The following RP1L1 variants were observed in gnomAD, a reference collection of about 807,000 sequenced individuals.
RP1L1 encodes RP1 like 1.
In RP1L1, 27 loss-of-function variants were observed where a neutral mutation model predicts 15.7. The observed-to-expected ratio is 1.72, with a 90% CI of 1.27 to 2.38. The LOEUF (loss-of-function observed/expected upper bound fraction) is 2.38. Among genes scored for constraint, RP1L1 ranks in the 30% most tolerant of loss-of-function variants. The pLI is 0.00. For synonymous variants in RP1L1, 1,813 were observed against 1,276.7 expected (o/e 1.42, Z -8.96); for missense variants, 4,798 against 3,075.9 (o/e 1.56, Z -13.24).
rs1159611647 is a variant in RP1L1 at position 10,611,215 on chromosome 8, C to T, written c.2883G>A (p.Leu961=). The T allele has an allele frequency of 6.2e-7, 1 of 1,612,898 alleles. No individual in the cohort carries two copies. The highest frequency in any genetic ancestry group is 8.5e-7 in the Non-Finnish European group (1 of 1,180,040). ...GTATGGGCTCTTCTGGAATGTTGTC[C>T]AGCCATTCGCGGACCACAGCCTCTG... ...SSPEAVVREW[L]DNIPEEPILM... Residue 961 remains leucine, a synonymous_variant, in exon 4 of 4, where the codon CTG becomes CTA. Coordinates refer to ENST00000382483, the MANE Select transcript of RP1L1 (RefSeq NM_178857.6).
chr8:10,630,420 G>A (rs1470735004), intron 1 of RP1L1, among the ~76,000 whole-genome samples: 1 of 152,234 alleles, frequency 6.6e-6, no homozygotes, highest in Non-Finnish European at 1.5e-5. Context: ...GGAAGGGATG[G>A]CAGAGATGTC....
intron 1 of RP1L1, among the ~76,000 whole-genome samples, chr8:10,629,481 A>G (rs1238566708): frequency 2.0e-5 from 3 of 152,224 alleles, no homozygotes; most frequent in Admixed American, 2.0e-4. Flanking sequence ...ACTGGGAATT[A>G]GGATTGGCCA....
chr8:10,643,418 G>A (rs758226359), intron 1 of RP1L1, among the ~76,000 whole-genome samples: 1 of 152,214 alleles, frequency 6.6e-6, no homozygotes, highest in Non-Finnish European at 1.5e-5. Flanking sequence ...GTACACAGTC[G>A]GTCTCAGTGT....
At position 10,610,701 on chromosome 8, in the gene RP1L1, CA is replaced by C; in HGVS notation, c.3396del (p.Ser1134LeufsTer6). ...AACCTCACTTTGCTGGCAGGAGACCCAAGGTCTTCCTCAAATAACTGCAGAC... is the reference window on the plus strand; with the variant it reads ...AACCTCACTTTGCTGGCAGGAGACCCAGGTCTTCCTCAAATAACTGCAGAC... Reference protein sequence around the residue: ...LASLQLFEEDLGSPASKVRFK... With the variant: ...LASLQLFEEDXGSPASKVRFK... On this transcript the variant is annotated frameshift_variant, in exon 4 of 4. Transcript: ENST00000382483. LOFTEE classifies it low-confidence loss of function (END_TRUNC). 1 of 1,613,680 alleles carries C rather than the reference CA, an allele frequency of 6.2e-7. No homozygotes were observed. The highest frequency in any genetic ancestry group is 8.5e-7 in the Non-Finnish European group (1 of 1,180,046).
rs778745838 is a variant in RP1L1 at position 10,609,533 on chromosome 8, A to G, written c.4565T>C (p.Leu1522Ser). 6.8e-6 allele frequency: 11 copies of G among 1,607,228 alleles called. No homozygotes were observed. Among genetic ancestry groups the G allele is most frequent in the Non-Finnish European group, 7.6e-6 (9 of 1,177,902 alleles). ...GAAGGCCTTCTCCGTCTTCTTCAGTAACACGGACACCCAGATGGGGTCGCA... is the reference window on the plus strand; with the variant it reads ...GAAGGCCTTCTCCGTCTTCTTCAGTGACACGGACACCCAGATGGGGTCGCA... ...LDCDPIWVSV[L>S]LKKTEKAFLA... Residue 1522 changes from leucine to serine, a missense_variant, in exon 4 of 4, where the codon TTA becomes TCA. By Grantham distance (145) the Leu-to-Ser change is moderately radical. Transcript: ENST00000382483.
chr8:10,629,255 C>T (rs994741929), intron 1 of RP1L1, among the ~76,000 whole-genome samples: 1 of 150,374 alleles, frequency 6.7e-6, no homozygotes, highest in African/African-American at 2.5e-5. Flanking sequence ...AGGTAGCTGC[C>T]AAGGGTCTGG....
Position 10,611,912 on chromosome 8 carries a change from G to A in RP1L1, c.2186C>T (p.Ser729Phe), listed in dbSNP as rs377751683. Residue 729 changes from serine (S) to phenylalanine (F), a missense_variant, in exon 4 of 4, where the codon TCC becomes TTC. Coordinates refer to ENST00000382483, the MANE Select transcript of RP1L1 (RefSeq NM_178857.6). ...ACTGCTGGTTCCCAGAAGGTCCTGG[G>A]AAGGAAGAGAGCCCGAGGAGGGAGG... is the stretch of plus-strand genomic sequence containing the variant. The part of the protein sequence containing the change: ...LRPPSSGSLP[S>F]QDLLGTSSAT... The A allele has an allele frequency of 1.1e-5, 18 of 1,613,898 alleles. No individual in the cohort carries two copies. Among genetic ancestry groups the A allele is most frequent in the Non-Finnish European group, 1.5e-5 (18 of 1,180,032 alleles).
At chr8:10,631,406 C>T (rs1264561344) in intron 1 of RP1L1, among the ~76,000 whole-genome samples, 10 of 138,262 alleles carry the variant, frequency 7.2e-5, no homozygotes, top group Non-Finnish European at 1.1e-4. Flanking sequence ...CGCACACACA[C>T]GCACACACGC....
chr8:10,611,761 G>A lies in RP1L1; in HGVS notation c.2337C>T (p.His779=), dbSNP rs749386151. 15 of 1,613,552 alleles carry A rather than the reference G, an allele frequency of 9.3e-6. No individual in the cohort carries two copies. In the African/African-American group the frequency reaches 1.7e-4, roughly 19 times the overall value. The change falls in exon 4 of 4, where the codon CAC becomes CAT. Residue 779 remains histidine, a synonymous_variant. Transcript: ENST00000382483. ...CAGATTTTGAGCAGGAGTCGGATGT[G>A]TGGGGAGGTATGGGGGCCGGCGAGC... ...RTCSPAPIPP[H]TSDSCSKSGA...
chr8:10,607,999 C>T lies in RP1L1; in HGVS notation c.6099G>A (p.Glu2033=). Residue 2033 remains glutamate (E), a synonymous_variant, in exon 4 of 4, where the codon GAG becomes GAA. Transcript: ENST00000382483. ...GGGTCTCCCCTTCAACCTCCTGGGC[C>T]TCTTCACCTTCTGACTTTGGCTGGG... ...VEAQPKSEGE[E]AQEVEGETQK... The T allele has an allele frequency of 6.2e-7, 1 of 1,613,066 alleles. No homozygotes were observed.
In RP1L1 at chr8:10,616,665, C is replaced by G. The variant is rs887017018; in HGVS notation, c.610-78G>C. ...CCCTGAGGCCTGGGGGAGGAAGGAT[C>G]CAGTCTCACCAGCCCTGTCCTGATT... On this transcript the variant is annotated intron_variant, in intron 2 of 3. Coordinates refer to ENST00000382483, the MANE Select transcript of RP1L1 (RefSeq NM_178857.6). 2.7e-5 allele frequency: 39 copies of G among 1,469,806 alleles called. No individual in the cohort carries two copies. In the African/African-American group the frequency reaches 4.6e-4, roughly 17 times the overall value. 91.0% of individuals were successfully genotyped at this position (1,469,806 alleles called of 1,614,324 possible). A position where few individuals can be genotyped will look rare whatever the true frequency, so the allele number is the denominator to read the frequency against.
intron 1 of RP1L1, among the ~76,000 whole-genome samples, chr8:10,651,892 C>A (rs1798568355): frequency 1.3e-5 from 2 of 152,098 alleles, no homozygotes; most frequent in African/African-American, 4.8e-5. Context: ...GACAGTGCCC[C>A]ATGAGATGAT....
At chr8:10,652,056 C>T (rs1245889932) in intron 1 of RP1L1, among the ~76,000 whole-genome samples, 1 of 152,148 alleles carries the variant, frequency 6.6e-6, no homozygotes, top group African/African-American at 2.4e-5. Flanking sequence ...GGTTTGTAAC[C>T]TTGGAGCAAT....
chr8:10,614,301 T>C (rs892723330), intron 3 of RP1L1, among the ~76,000 whole-genome samples: 1 of 152,130 alleles, frequency 6.6e-6, no homozygotes, highest in African/African-American at 2.4e-5. Flanking sequence ...GTCCTGCTAG[T>C]CAAGCCTGCA....
Position 10,608,560 on chromosome 8 carries a change from T to G in RP1L1, c.5538A>C (p.Pro1846=). The change falls in exon 4 of 4, where the codon CCA becomes CCC. Residue 1846 remains proline, a synonymous_variant. Coordinates refer to ENST00000382483, the MANE Select transcript of RP1L1 (RefSeq NM_178857.6). ...EAPEAEGEAQ[P]ESEGVEAPEA... ...CTGGGGCCTCTACACCTTCTGACTC[T>G]GGCTGGGCCTCCCCTTCAGCCTCCG... 6.2e-7 allele frequency: 1 copy of G among 1,610,612 alleles called. No individual in the cohort carries two copies. The highest frequency in any genetic ancestry group is 2.2e-5 in the East Asian group (1 of 44,862).
intron 1 of RP1L1, among the ~76,000 whole-genome samples, chr8:10,646,399 A>T (rs1440401680): frequency 2.0e-5 from 3 of 151,870 alleles, no homozygotes; most frequent in African/African-American, 7.3e-5. Flanking sequence ...CTCTCCTAAG[A>T]CCTCGCCTTT....
At position 10,609,040 on chromosome 8, in the gene RP1L1, G is replaced by C; in HGVS notation, c.5058C>G (p.Ala1686=). The C allele has an allele frequency of 6.2e-7, 1 of 1,613,814 alleles. No homozygotes were observed. The highest frequency in any genetic ancestry group is 8.5e-7 in the Non-Finnish European group (1 of 1,179,754). The change falls in exon 4 of 4, where the codon GCC becomes GCG. Residue 1686 remains alanine (A), a synonymous_variant. Transcript: ENST00000382483. ...TCTGCAGAATCTGCTGCAGGTCAAA[G>C]GCCTCTTTGATGGGACCTCTGGTTG... The part of the protein sequence containing the change: ...MGATRGPIKE[A]FDLQQILQRK...
At chr8:10,653,610 C>T (rs1392994381) in intron 1 of RP1L1, among the ~76,000 whole-genome samples, 1 of 151,874 alleles carries the variant, frequency 6.6e-6, no homozygotes. Context: ...TGTGCGCACA[C>T]GCACCTGTAC....
rs763247848 is a variant in RP1L1, at chr8:10,608,693, T to C, written c.5405A>G (p.Glu1802Gly). 1 of 1,614,164 alleles carries C rather than the reference T, an allele frequency of 6.2e-7. No individual in the cohort carries two copies. The highest frequency in any genetic ancestry group is 1.7e-5 in the Admixed American group (1 of 60,020). Residue 1802 changes from glutamate (E) to glycine (G), a missense_variant, in exon 4 of 4, where the codon GAA becomes GGA. Physicochemically the swap from Glu to Gly is moderately conservative, Grantham distance 98. Coordinates refer to ENST00000382483, the MANE Select transcript of RP1L1 (RefSeq NM_178857.6). ...QEGEGISERG[E>G]TGGQGSGHED... Reference sequence around the variant, plus strand: ...ATGCCCAGAGCCTTGACCCCCAGTTTCTCCCCTTTCACTTATGCCCTCTCC... The same window carrying C: ...ATGCCCAGAGCCTTGACCCCCAGTTCCTCCCCTTTCACTTATGCCCTCTCC...
Sources: allele counts gnomAD v4.1 joint callset (sites outside exome capture counted in the v4.1 genomes callset), GRCh38; gene constraint gnomAD v4.1.1; transcripts MANE v1.5; gene names NCBI Gene and HGNC (gene_info 2026-07-23, HGNC 2026-07-21).